Variants in PHLDB2 observed in about 807,000 individuals in gnomAD.
The protein encoded by PHLDB2 is pleckstrin homology like domain family B member 2.
In PHLDB2, 71 loss-of-function variants were observed where a neutral mutation model predicts 123.6. That is an observed-to-expected ratio of 0.57 (90% confidence interval 0.47 to 0.70). The LOEUF is 0.70. PHLDB2 is among the 30% of genes least tolerant of loss of function. The pLI is 0.00. For synonymous variants in PHLDB2, 547 were observed against 541.6 expected, an observed-to-expected ratio of 1.01 and a Z score of -0.14; for missense variants, 1,446 against 1,519.5, an observed-to-expected ratio of 0.95 and a Z score of 0.80.
chr3:111,967,878 C>G, intron 15 of PHLDB2, 54 bp downstream of exon 15: 1 of 1,456,782 alleles, frequency 6.9e-7, no homozygotes, highest in Non-Finnish European at 9.2e-7. Context: ...GTGGCAGTTC[C>G]TAGAAGACAG....
intron 2 of PHLDB2, among the ~76,000 whole-genome samples, chr3:111,898,909 G>A (rs905562301): frequency 1.3e-5 from 2 of 152,110 alleles, no homozygotes. Flanking sequence ...ACCCCTCAAA[G>A]TCATCCATAA....
At position 111,966,527 on chromosome 3, in the gene PHLDB2, G is replaced by GGTGTGTGTGT. The variant is rs3217516; in HGVS notation, c.3078-73_3078-64dup. On this transcript the variant is annotated intron_variant, in intron 13 of 17. Coordinates refer to ENST00000431670, the MANE Select transcript of PHLDB2 (RefSeq NM_001134438.2). The stretch of plus-strand genomic sequence containing the variant: ...TGTGTGTGTGTGTGTGTGTGTCTGG[G>GGTGTGTGTGT]GTGTGTGTGTGTGTGTGTGTGTATG... 7.8e-5 allele frequency: 48 copies of GGTGTGTGTGT among 618,592 alleles called. No homozygotes were observed. In the South Asian group the frequency reaches 9.4e-4, roughly 12 times the overall value. 38.3% of individuals were successfully genotyped at this position (618,592 alleles called of 1,614,324 possible). A position where few individuals can be genotyped will look rare whatever the true frequency, so the allele number is the denominator to read the frequency against.
At chr3:111,926,987 G>A (rs971047833) in intron 5 of PHLDB2, among the ~76,000 whole-genome samples, 4 of 152,046 alleles carry the variant, frequency 2.6e-5, no homozygotes, top group East Asian at 1.9e-4. Context: ...TATCATGGAC[G>A]TATGCATATG....
At chr3:111,879,985 CTTTTTT>C (rs33958199) in intron 1 of PHLDB2, among the ~76,000 whole-genome samples, 5 of 108,242 alleles carry the variant, frequency 4.6e-5, no homozygotes, top group Admixed American at 9.7e-5. Context: ...TACCCACTGC[CTTTTTT>C]TTTTTTTTTT....
chr3:111,863,988 T>C (rs1199072985), intron 1 of PHLDB2, among the ~76,000 whole-genome samples: 1 of 152,226 alleles, frequency 6.6e-6, no homozygotes, highest in Non-Finnish European at 1.5e-5. Flanking sequence ...TATCTAATAC[T>C]CAAATCTGAC....
At chr3:111,826,371 G>T (rs1188136308) in intron 1 of PHLDB2, among the ~76,000 whole-genome samples, 1 of 152,062 alleles carries the variant, frequency 6.6e-6, no homozygotes, top group Admixed American at 6.6e-5. Flanking sequence ...TACCAATCAA[G>T]TAAAATTGCT....
intron 1 of PHLDB2, among the ~76,000 whole-genome samples, chr3:111,766,443 C>CA (rs11391498): frequency 0.55 from 61,858 of 112,158 alleles, 14,550 homozygotes; most frequent in East Asian, 0.64. Context: ...GACTCTGTCT[C>CA]AAAAAAAAAA....
intron 2 of PHLDB2, among the ~76,000 whole-genome samples, chr3:111,890,876 C>T (rs753258224): frequency 1.1e-4 from 17 of 152,218 alleles, no homozygotes; most frequent in South Asian, 2.1e-4. Context: ...GTTTTGCTCT[C>T]AGCTGCCAAT....
chr3:111,956,185 C>A (rs775169427), intron 12 of PHLDB2, among the ~76,000 whole-genome samples: 2 of 152,080 alleles, frequency 1.3e-5, no homozygotes, highest in African/African-American at 2.4e-5. Flanking sequence ...CAGAGCAAGA[C>A]CCTGTCTCAA....
chr3:111,941,261 G>A (rs80254948), intron 8 of PHLDB2, among the ~76,000 whole-genome samples: 4,197 of 152,272 alleles, frequency 0.028, 127 homozygotes, highest in South Asian at 0.13. Flanking sequence ...AAAGCAAGCC[G>A]TAGCCTAACT....
intron 2 of PHLDB2, among the ~76,000 whole-genome samples, chr3:111,894,701 G>A (rs951726868): frequency 6.6e-6 from 1 of 151,486 alleles, no homozygotes; most frequent in East Asian, 1.9e-4. Flanking sequence ...TTGGCTGCAT[G>A]AATGTCTTCT....
chr3:111,857,091 A>T (rs901734796), upstream of PHLDB2, among the ~76,000 whole-genome samples: 1 of 152,120 alleles, frequency 6.6e-6, no homozygotes, highest in Non-Finnish European at 1.5e-5. Flanking sequence ...AGGCCCTGAG[A>T]TAGAACGGAT....
intron 2 of PHLDB2, among the ~76,000 whole-genome samples, chr3:111,900,684 A>G (rs1361054789): frequency 6.6e-6 from 1 of 152,220 alleles, no homozygotes; most frequent in Non-Finnish European, 1.5e-5. Context: ...TGTAAGAATT[A>G]CCAGAATGTG....
intron 2 of PHLDB2, among the ~76,000 whole-genome samples, chr3:111,849,955 G>A (rs1277958615): frequency 6.6e-6 from 1 of 151,388 alleles, no homozygotes; most frequent in Non-Finnish European, 1.5e-5. Flanking sequence ...TCCGCCTCCC[G>A]GGTTCACGCC....
At chr3:111,750,632 A>T (rs1288176961) in intron 1 of PHLDB2, among the ~76,000 whole-genome samples, 3 of 152,146 alleles carry the variant, frequency 2.0e-5, no homozygotes, top group Non-Finnish European at 4.4e-5. Context: ...AAAGACTCAC[A>T]TATGAGAAAT....
intron 10 of PHLDB2, among the ~76,000 whole-genome samples, chr3:111,952,046 C>T (rs538473975): frequency 3.1e-4 from 47 of 152,228 alleles, no homozygotes; most frequent in Non-Finnish European, 4.4e-4. Flanking sequence ...TAAAAAGTAA[C>T]CTAGAATGAT....
At chr3:111,778,066 T>C (rs1427712775) in intron 1 of PHLDB2, among the ~76,000 whole-genome samples, 3 of 152,122 alleles carry the variant, frequency 2.0e-5, no homozygotes, top group Non-Finnish European at 4.4e-5. Flanking sequence ...CCTTGGGCAC[T>C]CATACAACCT....
chr3:111,966,209 T>C (rs1055235038), intron 13 of PHLDB2, among the ~76,000 whole-genome samples: 4 of 152,194 alleles, frequency 2.6e-5, no homozygotes, highest in Non-Finnish European at 5.9e-5. Flanking sequence ...GTTGGTCTGA[T>C]ATCTTTAAGT....
rs1300647890 is a variant in PHLDB2, at chr3:111,932,417, G to A, written c.2130+20G>A. The A allele has an allele frequency of 6.5e-7, 1 of 1,531,658 alleles. No homozygotes were observed. Among genetic ancestry groups the A allele is most frequent in the Admixed American group, 2.1e-5 (1 of 47,628 alleles). The allele number at this position is 1,531,658 out of a possible 1,614,324, so 94.9% of individuals were successfully genotyped here. A position where few individuals can be genotyped will look rare whatever the true frequency, so the allele number is the denominator to read the frequency against. On this transcript the variant is annotated intron_variant, in intron 6 of 17. Coordinates refer to ENST00000431670, the MANE Select transcript of PHLDB2 (RefSeq NM_001134438.2). ...AAGAGGGTCAGTAGCAAACAGGAAT[G>A]CACCAGTTATTTTGCTTTTCGTTTT...
Sources: gnomAD v4.1 joint callset for allele counts (sites outside exome capture counted in the v4.1 genomes callset) on GRCh38, gnomAD v4.1.1 for gene constraint, MANE v1.5 for transcripts, NCBI Gene and HGNC (gene_info 2026-07-23, HGNC 2026-07-21) for gene names.